Variants in RARB observed in about 807,000 individuals in gnomAD.
The protein encoded by RARB is retinoic acid receptor beta, also known as HBV-activated protein.
A neutral mutation model predicts 51.9 loss-of-function variants in RARB; 17 were observed. The observed-to-expected ratio is 0.33, with a 90% CI of 0.22 to 0.49. RARB has a LOEUF of 0.49. RARB is among the 20% of genes least tolerant of loss of function. RARB has a pLI of 0.99. For synonymous variants in RARB, 215 were observed against 195.4 expected (o/e 1.10, Z -0.84); for missense variants, 369 against 550.8 (o/e 0.67, Z 3.30).
chr3:25,405,557 G>C (rs931807194), intron 5 of RARB, among the ~76,000 whole-genome samples: 1 of 152,152 alleles, frequency 6.6e-6, no homozygotes, highest in Non-Finnish European at 1.5e-5. Context: ...ACCATTCAAG[G>C]CAATGTGGAG....
chr3:25,064,040 T>C (rs1333046683), intron 3 of RARB, among the ~76,000 whole-genome samples: 1 of 152,060 alleles, frequency 6.6e-6, no homozygotes, highest in African/African-American at 2.4e-5. Flanking sequence ...ATTACAAAAG[T>C]TAAGGAAGAT....
rs546040428 is a variant in RARB, at chr3:24,897,014, A to G, written c.-380+38262A>G. 5.9e-5 allele frequency among the ~76,000 whole-genome samples: 9 copies of G among 152,318 alleles called. 1 individual carries two copies. In the East Asian group the frequency reaches 1.7e-3, roughly 29 times the overall value. Reference sequence around the variant, plus strand: ...AAGCCATTGTCGGTAACTTTAGCTCATGGAAAACGACTGGAAGTCAGAGGC... The same window carrying G: ...AAGCCATTGTCGGTAACTTTAGCTCGTGGAAAACGACTGGAAGTCAGAGGC... On this transcript the variant is annotated intron_variant, in intron 2 of 11. Transcript: ENST00000383772.
intron 3 of RARB, among the ~76,000 whole-genome samples, chr3:25,085,253 A>G (rs1266733782): frequency 6.6e-6 from 1 of 152,210 alleles, no homozygotes; most frequent in African/African-American, 2.4e-5. Context: ...ATAACAATGT[A>G]AATGTAAGCC....
intron 2 of RARB, among the ~76,000 whole-genome samples, chr3:24,885,036 C>T (rs928704178): frequency 2.0e-5 from 3 of 152,186 alleles, no homozygotes; most frequent in African/African-American, 2.4e-5. Context: ...AGGACCTTGA[C>T]GATTTTAGCC....
At chr3:25,227,669 T>C (rs1311137482) in intron 5 of RARB, among the ~76,000 whole-genome samples, 1 of 152,168 alleles carries the variant, frequency 6.6e-6, no homozygotes, top group African/African-American at 2.4e-5. Flanking sequence ...GCATTATGAA[T>C]GTTTATGGCA....
chr3:25,072,682 T>A, intron 3 of RARB, among the ~76,000 whole-genome samples: 1 of 152,188 alleles, frequency 6.6e-6, no homozygotes. Context: ...GGCTTCTATC[T>A]ACCTACAAGG....
chr3:25,260,000 G>T (rs917630959), intron 5 of RARB: 9 of 985,284 alleles, frequency 9.1e-6, no homozygotes, highest in Middle Eastern at 5.2e-4. Context: ...ACTCTCCTCA[G>T]TTTGTTTTTG....
intron 2 of RARB, among the ~76,000 whole-genome samples, chr3:24,930,092 C>T (rs1285993571): frequency 6.6e-6 from 1 of 151,932 alleles, no homozygotes; most frequent in African/African-American, 2.4e-5. Context: ...AAAATAATAG[C>T]GGGATTTTTT....
chr3:25,496,805 T>G lies in RARB; in HGVS notation c.307-4377T>G, dbSNP rs544370478. 7.2e-5 allele frequency among the ~76,000 whole-genome samples: 11 copies of G among 152,232 alleles called. 1 individual carries two copies. In the South Asian group the frequency reaches 2.1e-3, roughly 29 times the overall value. On this transcript the variant is annotated intron_variant, in intron 2 of 7. Coordinates refer to ENST00000330688, the MANE Select transcript of RARB (RefSeq NM_000965.5). ...TCCTGGGTTTACTGAGAAAAGGAAG[T>G]TCCCAGAAAATGAAAGAGTACCATT...
In RARB at chr3:24,958,130, A is replaced by G. The variant is rs759933175; in HGVS notation, c.-380+99378A>G. Among the ~76,000 whole-genome samples, 9 of 152,138 alleles carry G rather than the reference A, an allele frequency of 5.9e-5. No homozygotes were observed. In the South Asian group the frequency reaches 1.2e-3, roughly 21 times the overall value. Reference sequence around the variant, plus strand: ...ACTCCAGCAGGGCTCTTGGAGCCCTAGATCAGCAGCTTTTGATAGTTAGAT... The same window carrying G: ...ACTCCAGCAGGGCTCTTGGAGCCCTGGATCAGCAGCTTTTGATAGTTAGAT... On this transcript the variant is annotated intron_variant, in intron 2 of 11. Coordinates refer to the RARB transcript ENST00000383772.
At chr3:25,494,806 G>T (rs1696941332) in intron 2 of RARB, among the ~76,000 whole-genome samples, 1 of 152,178 alleles carries the variant, frequency 6.6e-6, no homozygotes, top group African/African-American at 2.4e-5. Flanking sequence ...ACTATTTGGG[G>T]ATCTTTATTT....
At chr3:25,386,030 T>A (rs898791341) in intron 5 of RARB, among the ~76,000 whole-genome samples, 4 of 152,192 alleles carry the variant, frequency 2.6e-5, no homozygotes, top group Non-Finnish European at 5.9e-5. Flanking sequence ...CATTTCCTCT[T>A]TAGCTTAAGC....
At chr3:25,051,228 T>G (rs1303631838) in intron 2 of RARB, among the ~76,000 whole-genome samples, 1 of 152,110 alleles carries the variant, frequency 6.6e-6, no homozygotes, top group Non-Finnish European at 1.5e-5. Flanking sequence ...TCAAGGATAT[T>G]AAGACACAGA....
intron 1 of RARB, among the ~76,000 whole-genome samples, chr3:25,446,715 A>G (rs1014134776): frequency 6.7e-6 from 1 of 149,564 alleles, no homozygotes; most frequent in Admixed American, 6.7e-5. Context: ...AGGCAGGAGA[A>G]TAGCGTGAAC....
intron 2 of RARB, among the ~76,000 whole-genome samples, chr3:24,933,942 C>T (rs528953254): frequency 2.6e-5 from 4 of 152,236 alleles, no homozygotes; most frequent in Admixed American, 2.6e-4. Context: ...AGGTAATCAA[C>T]TGTATACATT....
At chr3:25,460,940 T>C (rs768117505) in intron 1 of RARB, among the ~76,000 whole-genome samples, 14 of 152,156 alleles carry the variant, frequency 9.2e-5, no homozygotes, top group South Asian at 2.1e-4. Context: ...ATAAAAACCA[T>C]GGCCCTCACA....
intron 2 of RARB, among the ~76,000 whole-genome samples, chr3:25,494,275 A>ACACACACACACACACACACC (rs1553623210): frequency 9.8e-6 from 1 of 102,304 alleles, no homozygotes. Context: ...ACACACACAC[A>ACACACACACACACACACACC]CACATGCCAT....
chr3:25,275,488 T>G (rs1703358668), intron 5 of RARB, among the ~76,000 whole-genome samples: 1 of 152,118 alleles, frequency 6.6e-6, no homozygotes, highest in Non-Finnish European at 1.5e-5. Flanking sequence ...CAGGTCTGTA[T>G]TTTTAGCACC....
intron 5 of RARB, among the ~76,000 whole-genome samples, chr3:25,301,284 A>G (rs1704031467): frequency 6.6e-6 from 1 of 152,192 alleles, no homozygotes; most frequent in East Asian, 1.9e-4. Flanking sequence ...AGTCTCCCTC[A>G]GCTACCTGGG....
Sources: allele counts gnomAD v4.1 joint callset (sites outside exome capture counted in the v4.1 genomes callset), GRCh38; gene constraint gnomAD v4.1.1; transcripts MANE v1.5; gene names NCBI Gene and HGNC (gene_info 2026-07-23, HGNC 2026-07-21).